CHST9: variants seen among roughly 807,000 people sequenced by gnomAD.
CHST9 encodes GalNAc-4-sulfotransferase 2.
CHST9 carries 41 observed loss-of-function variants against 44.4 expected under a neutral mutation model. That is an observed-to-expected ratio of 0.92 (90% CI 0.72 to 1.20). The LOEUF (loss-of-function observed/expected upper bound fraction) is 1.20, where lower values mean the gene tolerates loss of function less well. CHST9 is among the 50% of genes most tolerant of loss of function. CHST9 has a pLI of 0.00. For missense variants in CHST9, 504 were observed against 516.5 expected, an observed-to-expected ratio of 0.98 and a Z score of 0.23; for synonymous variants, 171 against 178.4, an observed-to-expected ratio of 0.96 and a Z score of 0.33.
At chr18:27,086,858 G>GGACCCT (rs2058017301) in intron 2 of CHST9, among the ~76,000 whole-genome samples, 2 of 152,084 alleles carry the variant, frequency 1.3e-5, no homozygotes, top group Non-Finnish European at 2.9e-5. Flanking sequence ...TCTCTATAAA[G>GGACCCT]TAAGGAAGTT....
intron 2 of CHST9, among the ~76,000 whole-genome samples, chr18:27,084,112 T>G (rs1260973024): frequency 6.6e-6 from 1 of 151,460 alleles, no homozygotes; most frequent in African/African-American, 2.4e-5. Flanking sequence ...TTTTTTTTTT[T>G]GCTTGTGTCT....
chr18:27,177,501 T>G (rs1336602728), intron 1 of CHST9, among the ~76,000 whole-genome samples: 1 of 151,936 alleles, frequency 6.6e-6, no homozygotes, highest in African/African-American at 2.4e-5. Flanking sequence ...AGTGGAATTT[T>G]GGGCTTCTTG....
At chr18:26,925,793 T>C (rs1331834732) in intron 5 of CHST9, 1 of 152,222 alleles carries the variant, frequency 6.6e-6, no homozygotes, top group Non-Finnish European at 1.5e-5. Flanking sequence ...TCTCCATAAA[T>C]ATTAGATTTT....
intron 4 of CHST9, among the ~76,000 whole-genome samples, chr18:26,962,354 G>A (rs902848990): frequency 2.7e-5 from 4 of 150,664 alleles, no homozygotes; most frequent in East Asian, 3.9e-4. Flanking sequence ...GCAGTGGCGC[G>A]ATCTCAGCAC....
intron 2 of CHST9, among the ~76,000 whole-genome samples, chr18:27,131,569 A>C (rs1057033019): frequency 6.6e-6 from 1 of 152,100 alleles, no homozygotes; most frequent in Admixed American, 6.5e-5. Flanking sequence ...AAAACAGAAC[A>C]AAAAAACAAA....
intron 1 of CHST9, among the ~76,000 whole-genome samples, chr18:27,143,558 T>C (rs1461232429): frequency 6.6e-6 from 1 of 152,064 alleles, no homozygotes; most frequent in East Asian, 1.9e-4. Context: ...AGATTTTCTT[T>C]TAGAACAATC....
intron 5 of CHST9, among the ~76,000 whole-genome samples, chr18:26,923,961 G>A (rs1269119475): frequency 1.3e-5 from 2 of 152,156 alleles, no homozygotes; most frequent in South Asian, 4.1e-4. Flanking sequence ...CATCGAGTCT[G>A]CTTGGGGGCC....
At chr18:27,158,187 T>C (rs1475076813) in intron 1 of CHST9, among the ~76,000 whole-genome samples, 8 of 152,152 alleles carry the variant, frequency 5.3e-5, no homozygotes, top group Admixed American at 2.6e-4. Context: ...ATGTGCCATG[T>C]TGGTGTGCTG....
chr18:27,053,258 G>GAAGAAGAAGAAGAAGAAGAAT (rs2057603625), intron 2 of CHST9, among the ~76,000 whole-genome samples: 1 of 97,052 alleles, frequency 1.0e-5, no homozygotes, highest in African/African-American at 3.8e-5. Flanking sequence ...AGAAGAAGAA[G>GAAGAAGAAGAAGAAGAAGAAT]AAGGAGAAGG....
intron 4 of CHST9, among the ~76,000 whole-genome samples, chr18:26,953,574 A>G (rs922858247): frequency 6.6e-6 from 1 of 152,176 alleles, no homozygotes; most frequent in East Asian, 1.9e-4. Flanking sequence ...AATGAGAAGG[A>G]AAATGAAGAA....
At chr18:26,984,307 T>C (rs1482673849) in intron 4 of CHST9, among the ~76,000 whole-genome samples, 1 of 152,194 alleles carries the variant, frequency 6.6e-6, no homozygotes, top group East Asian at 1.9e-4. Context: ...TTTCAATTAA[T>C]TATGCTGGAC....
chr18:27,151,599 C>A (rs1406982381), intron 1 of CHST9, among the ~76,000 whole-genome samples: 1 of 151,982 alleles, frequency 6.6e-6, no homozygotes, highest in South Asian at 2.1e-4. Flanking sequence ...CTGGGTGGAC[C>A]CCATGTAATC....
intron 5 of CHST9, chr18:26,924,531 A>G: frequency 7.2e-6 from 5 of 697,786 alleles, no homozygotes; most frequent in South Asian, 6.4e-5. Context: ...AGTAATTTAT[A>G]ATATTACTCT....
chr18:26,927,888 T>C (rs367868042), intron 5 of CHST9, among the ~76,000 whole-genome samples: 14 of 152,300 alleles, frequency 9.2e-5, no homozygotes, highest in African/African-American at 2.6e-4. Flanking sequence ...GACTATCACA[T>C]GGGGAGAAAC....
At chr18:27,021,791 T>G (rs879921820) in intron 4 of CHST9, among the ~76,000 whole-genome samples, 1 of 152,214 alleles carries the variant, frequency 6.6e-6, no homozygotes. Flanking sequence ...GTGTAAGCTA[T>G]GTGCTGTTGT....
At chr18:26,939,790 T>C (rs1481740869) in intron 5 of CHST9, among the ~76,000 whole-genome samples, 1 of 152,164 alleles carries the variant, frequency 6.6e-6, no homozygotes, top group Non-Finnish European at 1.5e-5. Flanking sequence ...AGGGCCTGCA[T>C]CTGCCCCCAT....
chr18:27,158,888 C>T (rs1473984383), intron 1 of CHST9, among the ~76,000 whole-genome samples: 4 of 152,332 alleles, frequency 2.6e-5, no homozygotes, highest in Non-Finnish European at 5.9e-5. Flanking sequence ...TGTCTTTTGG[C>T]TGCATAAATG....
At chr18:26,933,221 C>T (rs2055913675) in intron 5 of CHST9, 1 of 153,690 alleles carries the variant, frequency 6.5e-6, no homozygotes, top group Non-Finnish European at 1.5e-5. Context: ...CATTTTTACC[C>T]CCATCCATGC....
chr18:26,963,804 T>C (rs1345459681), intron 4 of CHST9, among the ~76,000 whole-genome samples: 1 of 152,130 alleles, frequency 6.6e-6, no homozygotes, highest in East Asian at 1.9e-4. Flanking sequence ...AAAATGGAGA[T>C]TATCAGAGAC....
Sources: allele counts gnomAD v4.1 joint callset (sites outside exome capture counted in the v4.1 genomes callset), GRCh38; gene constraint gnomAD v4.1.1; transcripts MANE v1.5; gene names NCBI Gene and HGNC (gene_info 2026-07-23, HGNC 2026-07-21).